The following CSN1S1 variants were observed in gnomAD, a reference collection of about 807,000 sequenced individuals.
The protein encoded by CSN1S1 is alpha-S1-casein.
Under a neutral mutation model 49.1 loss-of-function variants are expected in CSN1S1, and 63 were observed. The ratio of observed to expected loss-of-function variants is 1.28; its 90% confidence interval spans 1.05 to 1.58. CSN1S1 has a LOEUF of 1.58. Ranked by LOEUF, CSN1S1 falls within the 40% of genes most tolerant of loss-of-function variation. The probability of loss-of-function intolerance (pLI) is 0.00; values close to 1 mark genes in which losing one functional copy is unlikely to be tolerated. For synonymous variants in CSN1S1, 78 were observed against 67.1 expected (o/e 1.16, Z -0.79); for missense variants, 260 against 224.7 (o/e 1.16, Z -1.01).
chr4:69,939,991 A>T, intron 10 of CSN1S1, 30 bp from the exon 11 acceptor site: 1 of 1,298,472 alleles, frequency 7.7e-7, no homozygotes, highest in Non-Finnish European at 1.1e-6. Flanking sequence ...TCGTGAAATT[A>T]AAACTATGCA....
At chr4:69,931,732 G>A (rs1490396416) in intron 1 of CSN1S1, among the ~76,000 whole-genome samples, 1 of 151,722 alleles carries the variant, frequency 6.6e-6, no homozygotes, top group Non-Finnish European at 1.5e-5. Context: ...ATAAATGTCA[G>A]CATTTGTATG....
intron 15 of CSN1S1, 100 bp downstream of exon 15, chr4:69,945,104 G>T: frequency 8.2e-7 from 1 of 1,219,862 alleles, no homozygotes. Flanking sequence ...ATTAAACATG[G>T]CAAATCAATG....
At chr4:69,939,108 A>G (rs1722895543) in intron 9 of CSN1S1, 68 bp from the exon 10 acceptor site, 5 of 1,150,066 alleles carry the variant, frequency 4.3e-6, no homozygotes, top group Non-Finnish European at 6.4e-6. Context: ...CCATGATGAC[A>G]TGGAACTAGT....
chr4:69,944,815 A>T, intron 14 of CSN1S1, 35 bp from the exon 15 acceptor site: 3 of 1,608,176 alleles, frequency 1.9e-6, no homozygotes, highest in Non-Finnish European at 2.6e-6. Flanking sequence ...GCAATTGCTC[A>T]TACACTGTTG....
At chr4:69,944,699 G>T in intron 14 of CSN1S1, 151 bp from the exon 15 acceptor site, 3 of 873,800 alleles carry the variant, frequency 3.4e-6, no homozygotes, top group South Asian at 3.7e-5. Flanking sequence ...CACCATAGAA[G>T]ATTTTGATTT....
chr4:69,936,226 G>T (rs1264959068), intron 5 of CSN1S1, among the ~76,000 whole-genome samples: 1 of 151,986 alleles, frequency 6.6e-6, no homozygotes, highest in Non-Finnish European at 1.5e-5. Context: ...CAGCACTAAT[G>T]AATTCTGCTG....
chr4:69,932,158 T>C (rs1722628727), intron 1 of CSN1S1, among the ~76,000 whole-genome samples: 1 of 151,968 alleles, frequency 6.6e-6, no homozygotes, highest in Non-Finnish European at 1.5e-5. Context: ...TTGCCCACTT[T>C]AGAAAATCTG....
In CSN1S1 at chr4:69,936,462, A is replaced by G. The variant is rs760301269; in HGVS notation, c.136A>G (p.Met46Val). 1.3e-6 allele frequency: 2 copies of G among 1,558,646 alleles called. No individual in the cohort carries two copies. Among genetic ancestry groups the G allele is most frequent in the Non-Finnish European group, 8.8e-7 (1 of 1,132,344 alleles). ...PIPLESREEY[M>V]NGMNRQRNIL... ...TTTCTTTTTTATCCCTAAGGAATAC[A>G]TGAATGGTATGAACAGGGTAAGAAA... The change falls in exon 6 of 16, where the codon ATG becomes GTG. Residue 46 changes from methionine (M) to valine (V), a missense_variant. By Grantham distance (21) the Met-to-Val change is conservative. Coordinates refer to ENST00000246891, the MANE Select transcript of CSN1S1 (RefSeq NM_001890.2).
chr4:69,937,047 G>T, intron 7 of CSN1S1, 74 bp from the exon 8 acceptor site: 1 of 1,227,048 alleles, frequency 8.1e-7, no homozygotes, highest in Non-Finnish European at 1.1e-6. Context: ...GAGAGCAGGT[G>T]CTCAAACTTT....
intron 3 of CSN1S1, 52 bp from the exon 4 acceptor site, chr4:69,934,638 A>G: frequency 8.5e-6 from 13 of 1,533,676 alleles, no homozygotes; most frequent in Non-Finnish European, 1.2e-5. Context: ...CTAATCCTAC[A>G]TTCTGTCCTG....
At position 69,946,208 on chromosome 4, in the gene CSN1S1, A is replaced by G; in HGVS notation, c.*12A>G. ...TTTCTATTTACAGATATGATTGAAA[A>G]TTTCATTCTCTGAATTTCTCCTCTC... On this transcript the variant is annotated 3_prime_UTR_variant, in exon 16 of 16. Coordinates refer to ENST00000246891, the MANE Select transcript of CSN1S1 (RefSeq NM_001890.2). The G allele has an allele frequency of 1.8e-6, 1 of 545,698 alleles. No homozygotes were observed. Among genetic ancestry groups the G allele is most frequent in the Non-Finnish European group, 3.4e-6 (1 of 294,102 alleles). The allele number at this position is 545,698 out of a possible 1,614,324, so 33.8% of individuals were successfully genotyped here.
intron 3 of CSN1S1, 70 bp downstream of exon 3, chr4:69,934,314 C>T: frequency 7.0e-7 from 1 of 1,428,834 alleles, no homozygotes; most frequent in Non-Finnish European, 9.8e-7. Context: ...TGTGCGCTTC[C>T]CTTCTCTATG....
At position 69,936,460 on chromosome 4, in the gene CSN1S1, A is replaced by T; in HGVS notation, c.134A>T (p.Tyr45Phe). 6.4e-7 allele frequency: 1 copy of T among 1,556,344 alleles called. No homozygotes were observed. Among genetic ancestry groups the T allele is most frequent in the Non-Finnish European group, 8.8e-7 (1 of 1,130,326 alleles). The change falls in exon 6 of 16, where the codon TAC becomes TTC. Residue 45 changes from tyrosine (Y) to phenylalanine (F), a missense_variant. By Grantham distance (22) the Tyr-to-Phe change is conservative. Coordinates refer to ENST00000246891, the MANE Select transcript of CSN1S1 (RefSeq NM_001890.2). ...GTTTTCTTTTTTATCCCTAAGGAAT[A>T]CATGAATGGTATGAACAGGGTAAGA... The part of the protein sequence containing the change: ...EPIPLESREE[Y>F]MNGMNRQRNI...
At chr4:69,935,840 A>G in intron 4 of CSN1S1, 86 bp from the exon 5 acceptor site, 1 of 855,280 alleles carries the variant, frequency 1.2e-6, no homozygotes. Flanking sequence ...AGAAGAACAT[A>G]ACGTTTTAAT....
chr4:69,936,628 A>G (rs1332836646), intron 7 of CSN1S1, 21 bp downstream of exon 7: 26 of 1,590,632 alleles, frequency 1.6e-5, no homozygotes, highest in Non-Finnish European at 2.0e-5. Context: ...TTTTCTTGAA[A>G]GAGTATGGCA....
intron 2 of CSN1S1, 98 bp downstream of exon 2, chr4:69,932,704 A>T: frequency 1.8e-6 from 2 of 1,098,910 alleles, no homozygotes; most frequent in Non-Finnish European, 2.7e-6. Context: ...ATCTTAAAGC[A>T]CTGGATGATC....
intron 14 of CSN1S1, among the ~76,000 whole-genome samples, chr4:69,943,115 T>C (rs1266442432): frequency 6.6e-6 from 1 of 151,044 alleles, no homozygotes; most frequent in African/African-American, 2.4e-5. Flanking sequence ...GCAAGTATTC[T>C]CTTCATTTGG....
chr4:69,940,093 A>C (rs766833485), intron 11 of CSN1S1, 49 bp downstream of exon 11: 2 of 821,962 alleles, frequency 2.4e-6, no homozygotes, highest in South Asian at 4.0e-5. Context: ...TTCCAGGATA[A>C]TTAAAATGCA....
chr4:69,933,607 T>A (rs2109712532), intron 2 of CSN1S1, among the ~76,000 whole-genome samples: 1 of 152,106 alleles, frequency 6.6e-6, no homozygotes, highest in South Asian at 2.1e-4. Flanking sequence ...ATCTTGTCAT[T>A]CTACCAGGAA....
Sources: gnomAD v4.1 joint callset for allele counts (sites outside exome capture counted in the v4.1 genomes callset) on GRCh38, gnomAD v4.1.1 for gene constraint, MANE v1.5 for transcripts, NCBI Gene and HGNC (gene_info 2026-07-23, HGNC 2026-07-21) for gene names.